THSD7A: variants seen among roughly 807,000 people sequenced by gnomAD.
The protein encoded by THSD7A is thrombospondin type 1 domain containing 7A.
Under a neutral mutation model 231.3 loss-of-function variants are expected in THSD7A, and 96 were observed. The observed-to-expected ratio is 0.41, with a 90% CI of 0.35 to 0.49. The LOEUF is 0.49. Ranked by LOEUF, THSD7A falls within the 20% of genes least tolerant of loss-of-function variation. THSD7A has a pLI of 0.05. For synonymous variants in THSD7A, 940 were observed against 743.3 expected, an observed-to-expected ratio of 1.26 and a Z score of -4.30; for missense variants, 2,290 against 2,070.2, an observed-to-expected ratio of 1.11 and a Z score of -2.06.
intron 6 of THSD7A, among the ~76,000 whole-genome samples, chr7:11,508,870 T>C (rs1787671729): frequency 6.6e-6 from 1 of 152,246 alleles, no homozygotes; most frequent in Non-Finnish European, 1.5e-5. Flanking sequence ...CGATTCCACT[T>C]ATATGAGATA....
At chr7:11,489,007 C>G (rs1786779616) in intron 6 of THSD7A, among the ~76,000 whole-genome samples, 1 of 152,104 alleles carries the variant, frequency 6.6e-6, no homozygotes, top group African/African-American at 2.4e-5. Context: ...TCTGCCCTGT[C>G]TGCTCCCATA....
In THSD7A at chr7:11,407,161, GA is replaced by G. The variant is rs200058408; in HGVS notation, c.3917-107del. The G allele has an allele frequency of 1.9e-4, 278 of 1,491,276 alleles. No homozygotes were observed. The East Asian group carries it at 4.5e-3, about 24-fold the overall frequency. 92.4% of individuals were successfully genotyped at this position (1,491,276 alleles called of 1,614,324 possible). A position where few individuals can be genotyped will look rare whatever the true frequency, so the allele number is the denominator to read the frequency against. ...AGTGATATCTCCTGAGGCAATCCAG[GA>G]ACAAGTAAGGCTTAGATGTTTTGCA... On this transcript the variant is annotated intron_variant, in intron 20 of 27. Transcript: ENST00000423059.
intron 7 of THSD7A, among the ~76,000 whole-genome samples, chr7:11,475,179 T>C (rs1464011555): frequency 6.6e-6 from 1 of 152,060 alleles, no homozygotes; most frequent in Non-Finnish European, 1.5e-5. Flanking sequence ...AAGAAGCTAT[T>C]AGTGTGAAGA....
At position 11,636,261 on chromosome 7, in the gene THSD7A, G is replaced by A. The variant is rs375820480; in HGVS notation, c.891C>T (p.Arg297=). The A allele has an allele frequency of 5.6e-6, 9 of 1,613,736 alleles. No individual in the cohort carries two copies. The East Asian group carries it at 6.7e-5, about 12-fold the overall frequency. ...TGTTTCTCTTTTTCTTAATAAGCTC[G>A]CGGGCTTCTGGATCCTTTACTCCTT... ...RSKGVKDPEA[R]ELIKKKRNRN... The change falls in exon 2 of 28, where the codon CGC becomes CGT. Residue 297 remains arginine, a synonymous_variant. Coordinates refer to ENST00000423059, the MANE Select transcript of THSD7A (RefSeq NM_015204.3). The surrounding 1 kb of genome is among the most constrained non-coding windows in gnomAD (Gnocchi z 10.0).
At chr7:11,467,009 T>C (rs1785736111) in intron 9 of THSD7A, among the ~76,000 whole-genome samples, 1 of 152,014 alleles carries the variant, frequency 6.6e-6, no homozygotes, top group Admixed American at 6.6e-5. Context: ...CATAACACGA[T>C]TCAGTTTTTC....
chr7:11,391,762 T>C (rs1782990343), intron 23 of THSD7A, among the ~76,000 whole-genome samples: 1 of 152,188 alleles, frequency 6.6e-6, no homozygotes, highest in Admixed American at 6.5e-5. Context: ...AGAGGGAATC[T>C]CTTGGTCTGC....
At chr7:11,721,548 A>T (rs923710903) in intron 1 of THSD7A, among the ~76,000 whole-genome samples, 1 of 150,622 alleles carries the variant, frequency 6.6e-6, no homozygotes, top group Non-Finnish European at 1.5e-5. Flanking sequence ...TCTTTTCTTC[A>T]TAAGTTACCT....
At chr7:11,522,028 C>G (rs1788287346) in intron 6 of THSD7A, among the ~76,000 whole-genome samples, 1 of 152,042 alleles carries the variant, frequency 6.6e-6, no homozygotes, top group Middle Eastern at 3.2e-3. Flanking sequence ...AGTTTCTAAG[C>G]TCTTTATGTC....
At chr7:11,518,279 A>T (rs1443865367) in intron 6 of THSD7A, among the ~76,000 whole-genome samples, 1 of 152,152 alleles carries the variant, frequency 6.6e-6, no homozygotes. Flanking sequence ...AATACAAAGA[A>T]ATTGCTTCTG....
At chr7:11,381,452 T>C (rs137869983) in intron 24 of THSD7A, among the ~76,000 whole-genome samples, 170 of 152,234 alleles carry the variant, frequency 1.1e-3, no homozygotes, top group African/African-American at 4.0e-3. Flanking sequence ...AAATTCAATA[T>C]AAAGATGGAT....
rs1781638751 is a variant in THSD7A, at chr7:11,729,079, T to G, written c.191-92118A>C. On this transcript the variant is annotated intron_variant, in intron 1 of 27. Transcript: ENST00000423059. ...CTGAAATGATATCTAGACAACACTA[T>G]CATAAAAACTTAAATAGATTTGTGA... 2.0e-5 allele frequency among the ~76,000 whole-genome samples: 3 copies of G among 151,772 alleles called. No individual in the cohort carries two copies. In the South Asian group the frequency reaches 6.2e-4, roughly 31 times the overall value.
chr7:11,623,496 T>C (rs1049531192), intron 2 of THSD7A, among the ~76,000 whole-genome samples: 2 of 152,028 alleles, frequency 1.3e-5, no homozygotes, highest in African/African-American at 4.8e-5. Flanking sequence ...CATGCCACAC[T>C]CTCAGGGCAG....
chr7:11,562,673 C>A (rs1383124050), intron 4 of THSD7A, among the ~76,000 whole-genome samples: 2 of 152,054 alleles, frequency 1.3e-5, no homozygotes, highest in Admixed American at 1.3e-4. Context: ...CAAGAGATTC[C>A]AAAGACCGAC....
intron 6 of THSD7A, among the ~76,000 whole-genome samples, chr7:11,508,136 C>T (rs1277992809): frequency 6.6e-6 from 1 of 152,128 alleles, no homozygotes; most frequent in Non-Finnish European, 1.5e-5. Flanking sequence ...CCCTCATGAT[C>T]CAATCACCTC....
chr7:11,483,328 G>A (rs916426634), intron 6 of THSD7A, among the ~76,000 whole-genome samples: 3 of 152,138 alleles, frequency 2.0e-5, no homozygotes, highest in African/African-American at 7.2e-5. Flanking sequence ...ACAAAAATCA[G>A]AAGTCAATTG....
intron 2 of THSD7A, among the ~76,000 whole-genome samples, chr7:11,628,168 A>G (rs1781533451): frequency 6.6e-6 from 1 of 152,208 alleles, no homozygotes; most frequent in South Asian, 2.1e-4. Context: ...AAACCCTGTT[A>G]CTAATAAATG....
intron 1 of THSD7A, among the ~76,000 whole-genome samples, chr7:11,812,471 G>A (rs766396449): frequency 9.9e-5 from 15 of 152,006 alleles, no homozygotes; most frequent in Non-Finnish European, 2.1e-4. Context: ...GATAAAATAC[G>A]TTATCATTTA....
Position 11,375,301 on chromosome 7 carries a change from T to C in THSD7A, c.*493A>G, listed in dbSNP as rs138433616. On this transcript the variant is annotated 3_prime_UTR_variant, in exon 28 of 28. Transcript: ENST00000423059. The stretch of plus-strand genomic sequence containing the variant: ...TGCTTAGCTTAGAGTTTATTTGTTA[T>C]GCATTGTTAAAATTGCTTATTAGCA... The C allele has an allele frequency of 2.0e-5, 3 of 152,190 alleles. No individual in the cohort carries two copies. The highest frequency in any genetic ancestry group is 4.8e-5 in the African/African-American group (2 of 41,432). The allele number at this position is 152,190 out of a possible 1,614,324, so 9.4% of individuals were successfully genotyped here.
rs1783770676 is a variant in THSD7A, at chr7:11,411,148, T to C, written c.3798+59A>G. The C allele has an allele frequency of 7.4e-7, 1 of 1,346,044 alleles. No individual in the cohort carries two copies. The highest frequency in any genetic ancestry group is 1.1e-6 in the Non-Finnish European group (1 of 949,822). The allele number at this position is 1,346,044 out of a possible 1,614,324, so 83.4% of individuals were successfully genotyped here. Reference sequence around the variant, plus strand: ...GGAGCACGGGTCACTTGGCTCAGCATGAATTGAAATTATTAGGGAAGAATT... The same window carrying C: ...GGAGCACGGGTCACTTGGCTCAGCACGAATTGAAATTATTAGGGAAGAATT... On this transcript the variant is annotated intron_variant, in intron 19 of 27. Transcript: ENST00000423059. This position sits in a 1 kb window ranked among gnomAD's most constrained non-coding sequence, Gnocchi z 4.1.
Sources: gnomAD v4.1 joint callset for allele counts (sites outside exome capture counted in the v4.1 genomes callset) on GRCh38, gnomAD v4.1.1 for gene constraint, Gnocchi (gnomAD v3.1) non-coding constraint, MANE v1.5 for transcripts, NCBI Gene and HGNC (gene_info 2026-07-23, HGNC 2026-07-21) for gene names.